FAM107B: variants seen among roughly 807,000 people sequenced by gnomAD.
FAM107B encodes protein FAM107B.
A neutral mutation model predicts 31.5 loss-of-function variants in FAM107B; 21 were observed. That is an observed-to-expected ratio of 0.67 (90% confidence interval 0.47 to 0.96). The LOEUF (loss-of-function observed/expected upper bound fraction) is 0.96. Ranked by LOEUF, FAM107B falls within the 40% of genes least tolerant of loss-of-function variation. The pLI is 0.00. For synonymous variants in FAM107B, 157 were observed against 141.5 expected (o/e 1.11, Z -0.78); for missense variants, 452 against 377.1 (o/e 1.20, Z -1.64).
At chr10:14,561,887 G>A (rs1388607990) in intron 2 of FAM107B, among the ~76,000 whole-genome samples, 1 of 152,034 alleles carries the variant, frequency 6.6e-6, no homozygotes, top group Non-Finnish European at 1.5e-5. Flanking sequence ...AGGGTTCAAG[G>A]GATTCTCCTC....
chr10:14,627,616 A>T (rs954567827), intron 2 of FAM107B, among the ~76,000 whole-genome samples: 1 of 152,162 alleles, frequency 6.6e-6, no homozygotes, highest in Non-Finnish European at 1.5e-5. Flanking sequence ...CTCTACAAAG[A>T]AATTTTAAAA....
Position 14,521,860 on chromosome 10 carries a change from C to T in FAM107B, c.804+9G>A, listed in dbSNP as rs1845676058. 1 of 1,609,290 alleles carries T rather than the reference C, an allele frequency of 6.2e-7. No individual in the cohort carries two copies. Among genetic ancestry groups the T allele is most frequent in the Non-Finnish European group, 8.5e-7 (1 of 1,178,824 alleles). On this transcript the variant is annotated intron_variant, in intron 4 of 4. Coordinates refer to ENST00000181796, the MANE Select transcript of FAM107B (RefSeq NM_031453.4). Reference sequence around the variant, plus strand: ...CAAAAAAAGACAGCTTCCAGCCAATCCCCCTTACCTGCTCCAACTTCTGCT... The same window carrying T: ...CAAAAAAAGACAGCTTCCAGCCAATTCCCCTTACCTGCTCCAACTTCTGCT...
chr10:14,717,653 C>G (rs990023370), intron 1 of FAM107B, among the ~76,000 whole-genome samples: 5 of 152,194 alleles, frequency 3.3e-5, no homozygotes, highest in African/African-American at 1.2e-4. Context: ...TTTGTTCTAG[C>G]CACACTGCCA....
intron 1 of FAM107B, among the ~76,000 whole-genome samples, chr10:14,744,324 T>C (rs1832682763): frequency 6.6e-6 from 1 of 152,128 alleles, no homozygotes; most frequent in Non-Finnish European, 1.5e-5. Flanking sequence ...TCTCTTCCTA[T>C]TTGAATACCT....
In FAM107B at chr10:14,538,010, A is replaced by T. The variant is rs188618412; in HGVS notation, c.470-7495T>A. 2.1e-3 allele frequency among the ~76,000 whole-genome samples: 314 copies of T among 152,220 alleles called. 1 individual carries two copies. The highest frequency in any genetic ancestry group is 0.01 in the Middle Eastern group (3 of 294). The stretch of plus-strand genomic sequence containing the variant: ...CAAGCTGCTTAAGAGCAGGACCAAG[A>T]TTTGACCTTGAGTCTGTGTAATTCC... On this transcript the variant is annotated intron_variant, in intron 2 of 4. Transcript: ENST00000181796.
chr10:14,614,874 G>A (rs187605519), intron 2 of FAM107B, among the ~76,000 whole-genome samples: 37 of 152,090 alleles, frequency 2.4e-4, no homozygotes, highest in African/African-American at 8.0e-4. Flanking sequence ...AGAATCACTC[G>A]GGGAGCAGCA....
chr10:14,623,368 A>T (rs1853066700), intron 2 of FAM107B, among the ~76,000 whole-genome samples: 1 of 152,236 alleles, frequency 6.6e-6, no homozygotes, highest in African/African-American at 2.4e-5. Context: ...AATTTAGGTG[A>T]CAGTTAATCC....
chr10:14,568,015 T>C (rs1297774676), intron 2 of FAM107B, among the ~76,000 whole-genome samples: 1 of 152,162 alleles, frequency 6.6e-6, no homozygotes, highest in African/African-American at 2.4e-5. Context: ...GAGTCCCCGG[T>C]GAGCTTTGAC....
intron 1 of FAM107B, among the ~76,000 whole-genome samples, chr10:14,717,941 T>C (rs1194772247): frequency 6.6e-6 from 1 of 152,180 alleles, no homozygotes; most frequent in East Asian, 1.9e-4. Flanking sequence ...AGAAAGCTTC[T>C]GGAATAGGGG....
chr10:14,739,305 A>T (rs1856381878), intron 1 of FAM107B, among the ~76,000 whole-genome samples: 1 of 152,214 alleles, frequency 6.6e-6, no homozygotes, highest in Non-Finnish European at 1.5e-5. Flanking sequence ...GGCCCCAGCC[A>T]ACTGCTGGAT....
chr10:14,727,302 T>C (rs1856059130), intron 1 of FAM107B, among the ~76,000 whole-genome samples: 1 of 152,204 alleles, frequency 6.6e-6, no homozygotes. Context: ...ACTCTGACTT[T>C]TCCCTAACCT....
chr10:14,604,397 C>A (rs1588653369), intron 2 of FAM107B: 2 of 252,316 alleles, frequency 7.9e-6, no homozygotes, highest in Admixed American at 1.3e-4. Context: ...CGCAGGGCGG[C>A]TCTCGCTCCC....
intron 2 of FAM107B, among the ~76,000 whole-genome samples, chr10:14,601,058 T>G (rs1384642577): frequency 6.6e-6 from 1 of 152,234 alleles, no homozygotes; most frequent in East Asian, 1.9e-4. Flanking sequence ...CAAGCCACTG[T>G]ACCCAGCCCA....
intron 1 of FAM107B, among the ~76,000 whole-genome samples, chr10:14,761,428 G>A (rs898596581): frequency 1.3e-5 from 2 of 152,046 alleles, no homozygotes; most frequent in African/African-American, 4.8e-5. Flanking sequence ...TCCACATTGA[G>A]GCTTTTTATA....
intron 1 of FAM107B, among the ~76,000 whole-genome samples, chr10:14,714,997 G>A (rs116551133): frequency 1.6e-3 from 236 of 152,240 alleles, no homozygotes; most frequent in African/African-American, 5.5e-3. Context: ...AGAAGCAGGT[G>A]GTCCGCCCAT....
chr10:14,629,551 C>T (rs1273102828), intron 2 of FAM107B, among the ~76,000 whole-genome samples: 7 of 137,492 alleles, frequency 5.1e-5, no homozygotes, highest in Non-Finnish European at 9.1e-5. Context: ...CTCGCTCTGT[C>T]GCCCAGGCTG....
In FAM107B at chr10:14,521,135, G is replaced by A. The variant is rs571313178; in HGVS notation, c.*55C>T. ...GGGGCTTTTGCCCTGAGATTGAGAA[G>A]GCACCCACAGACAGCTCTGTGGGGT... On this transcript the variant is annotated 3_prime_UTR_variant, in exon 5 of 5. Coordinates refer to ENST00000181796, the MANE Select transcript of FAM107B (RefSeq NM_031453.4). The A allele has an allele frequency of 8.9e-6, 12 of 1,352,180 alleles. No homozygotes were observed. In the Admixed American group the frequency reaches 2.0e-4, roughly 23 times the overall value. The allele number at this position is 1,352,180 out of a possible 1,614,324, so 83.8% of individuals were successfully genotyped here.
intron 1 of FAM107B, among the ~76,000 whole-genome samples, chr10:14,750,947 G>A (rs545264510): frequency 6.6e-6 from 1 of 152,188 alleles, no homozygotes; most frequent in Non-Finnish European, 1.5e-5. Flanking sequence ...AATCAGGGGT[G>A]GGCACGATGG....
chr10:14,762,773 C>T lies in FAM107B; in HGVS notation c.411+11480G>A, dbSNP rs1023595163. Among the ~76,000 whole-genome samples the T allele has an allele frequency of 2.5e-3, 379 of 150,092 alleles. 4 individuals are homozygous for T. The highest frequency in any genetic ancestry group is 8.7e-3 in the African/African-American group (350 of 40,294). On this transcript the variant is annotated intron_variant, in intron 1 of 4. Coordinates refer to ENST00000181796, the MANE Select transcript of FAM107B (RefSeq NM_031453.4). ...TCTGTCTCACACACACACACACACACACACACACACACACACACACACACA... is the reference window on the plus strand; with the variant it reads ...TCTGTCTCACACACACACACACACATACACACACACACACACACACACACA...
Sources: gnomAD v4.1 joint callset for allele counts (sites outside exome capture counted in the v4.1 genomes callset) on GRCh38, gnomAD v4.1.1 for gene constraint, MANE v1.5 for transcripts, NCBI Gene and HGNC (gene_info 2026-07-23, HGNC 2026-07-21) for gene names.